The following NTMT1 variants were observed in gnomAD, a reference collection of about 807,000 sequenced individuals.
NTMT1 encodes the protein N-terminal Xaa-Pro-Lys N-methyltransferase 1, also known as N-terminal RCC1 methyltransferase.
NTMT1 carries 8 observed loss-of-function variants against 17.5 expected under a neutral mutation model. The observed-to-expected ratio is 0.46, with a 90% CI of 0.27 to 0.82. The LOEUF (loss-of-function observed/expected upper bound fraction) is 0.82, where lower values mean the gene tolerates loss of function less well. Ranked by LOEUF, NTMT1 falls within the 40% of genes least tolerant of loss-of-function variation. The pLI, the probability that NTMT1 is intolerant of heterozygous loss-of-function variation, is 0.15. For synonymous variants in NTMT1, 128 were observed against 126.8 expected (o/e 1.01, Z -0.06); for missense variants, 221 against 303.5 (o/e 0.73, Z 2.02).
chr9:129,624,208 G>T (rs146331153), upstream of NTMT1, among the ~76,000 whole-genome samples: 7 of 152,322 alleles, frequency 4.6e-5, no homozygotes, highest in African/African-American at 1.7e-4. Flanking sequence ...TGAGGTCAGG[G>T]AGCCGGCCAG....
intron 2 of NTMT1, chr9:129,633,282 AC>A: frequency 2.9e-6 from 1 of 341,898 alleles, no homozygotes; most frequent in Non-Finnish European, 5.2e-6. Flanking sequence ...CCAGGCTGGG[AC>A]CCCCAGTCCT....
rs138485391 is a variant in NTMT1, at chr9:129,613,531, C to G, written c.-55+4353C>G. The G allele has an allele frequency of 2.4e-4, 393 of 1,614,218 alleles. No homozygotes were observed. In the African/African-American group the frequency reaches 4.0e-3, roughly 16 times the overall value. ...CAAACTCTCCAGCCGTTTTCCGACA[C>G]TCCCAAACACCCGCTCGGACGCCAC... On this transcript the variant is annotated intron_variant, in intron 1 of 3. Coordinates refer to the NTMT1 transcript ENST00000372486. This position sits in a 1 kb window ranked among gnomAD's most constrained non-coding sequence, Gnocchi z 6.2.
At position 129,612,408 on chromosome 9, in the gene NTMT1, C is replaced by T. The variant is rs1435842253; in HGVS notation, c.-55+3230C>T. On this transcript the variant is annotated intron_variant, in intron 1 of 3. Transcript: ENST00000372486. ...GAGGAGATGGTACCCCTTAGGGCAG[C>T]CTTGCTTCAGGACCGACTGCAGCAC... 2.5e-6 allele frequency: 4 copies of T among 1,613,898 alleles called. No homozygotes were observed. In the Admixed American group the frequency reaches 6.7e-5, roughly 27 times the overall value.
intron 1 of NTMT1, chr9:129,612,958 G>A (rs1169208025): frequency 1.4e-5 from 13 of 944,594 alleles, no homozygotes; most frequent in African/African-American, 5.0e-5. Context: ...AACACAGGGC[G>A]TGGCCACTGC....
At chr9:129,629,468 G>A (rs949079883) in intron 1 of NTMT1, among the ~76,000 whole-genome samples, 1 of 152,046 alleles carries the variant, frequency 6.6e-6, no homozygotes, top group African/African-American at 2.4e-5. Context: ...ATGGCTCACT[G>A]CAGCCTTGAC....
intron 1 of NTMT1, among the ~76,000 whole-genome samples, chr9:129,630,445 A>G (rs1831102266): frequency 6.6e-6 from 1 of 152,148 alleles, no homozygotes; most frequent in South Asian, 2.1e-4. Flanking sequence ...AAAAGAAGAA[A>G]AAATTCTCCA....
Position 129,614,203 on chromosome 9 carries a change from G to C in NTMT1, c.-55+5025G>C, listed in dbSNP as rs891420082. Among the ~76,000 whole-genome samples the C allele has an allele frequency of 6.6e-6, 1 of 152,160 alleles. No homozygotes were observed. The highest frequency in any genetic ancestry group is 1.9e-4 in the East Asian group (1 of 5,194). On this transcript the variant is annotated intron_variant, in intron 1 of 3. Transcript: ENST00000372486. The surrounding 1 kb of genome is among the most constrained non-coding windows in gnomAD (Gnocchi z 4.4). ...GGCCTTGGATTCCCAAGAGGGGCCC[G>C]GGGTCACTCTGGCTTCTATATGTGG... is the stretch of plus-strand genomic sequence containing the variant.
Position 129,620,461 on chromosome 9 carries a change from G to C in NTMT1, c.-55+11283G>C. 7.5e-7 allele frequency: 1 copy of C among 1,333,802 alleles called. No homozygotes were observed. Among genetic ancestry groups the C allele is most frequent in the Admixed American group, 3.4e-5 (1 of 29,066 alleles). 82.6% of individuals were successfully genotyped at this position (1,333,802 alleles called of 1,614,324 possible). ...GCGCGCCCAGAGCCGCTCGGAGCGC[G>C]GGCGGGGTCAGCTTGGGCAGCCGCG... On this transcript the variant is annotated intron_variant, in intron 1 of 3. Coordinates refer to the NTMT1 transcript ENST00000372486. The surrounding 1 kb of genome is among the most constrained non-coding windows in gnomAD (Gnocchi z 5.8).
At chr9:129,618,886 G>A (rs1394201432) in intron 1 of NTMT1, among the ~76,000 whole-genome samples, 2 of 69,324 alleles carry the variant, frequency 2.9e-5, no homozygotes, top group Non-Finnish European at 6.0e-5. Flanking sequence ...TTTTTTTTTT[G>A]TATATTTTTA....
At chr9:129,610,208 AGGGAGGGGGAGGGGAAAGG>A (rs1830078941) in intron 1 of NTMT1, among the ~76,000 whole-genome samples, 1 of 48,950 alleles carries the variant, frequency 2.0e-5, no homozygotes, top group Non-Finnish European at 3.7e-5. Flanking sequence ...GGGGGGGAGG[AGGGAGGGGGAGGGGAAAGG>A]GGGAGGGAGA....
chr9:129,620,189 C>T lies in NTMT1; in HGVS notation c.-55+11011C>T. 3 of 1,449,398 alleles carry T rather than the reference C, an allele frequency of 2.1e-6. No homozygotes were observed. The highest frequency in any genetic ancestry group is 2.7e-6 in the Non-Finnish European group (3 of 1,097,382). 89.8% of individuals were successfully genotyped at this position (1,449,398 alleles called of 1,614,324 possible). A position where few individuals can be genotyped will look rare whatever the true frequency, so the allele number is the denominator to read the frequency against. Reference sequence around the variant, plus strand: ...GTCGGGGTCCTCCCTGGCCACGCGCCTCCGGGGGCGCTCGCGCTCTCCAGG... The same window carrying T: ...GTCGGGGTCCTCCCTGGCCACGCGCTTCCGGGGGCGCTCGCGCTCTCCAGG... On this transcript the variant is annotated intron_variant, in intron 1 of 3. Transcript: ENST00000372486. The surrounding 1 kb of genome is among the most constrained non-coding windows in gnomAD (Gnocchi z 5.8).
At position 129,635,175 on chromosome 9, in the gene NTMT1, GTGCCCTGGTAACCTTGCCTC is replaced by G. The variant is rs1256984752; in HGVS notation, c.416-26_416-7del. ...TCCAGTGCCGACATCCGCTTGCATG[GTGCCCTGGTAACCTTGCCTC>G]TGCCCTCCCCAGGCCACCTCACCGA... On this transcript the variant is annotated splice_polypyrimidine_tract_variant and intron_variant, in intron 3 of 3. Coordinates refer to ENST00000372483, the MANE Select transcript of NTMT1 (RefSeq NM_014064.4). 1 of 1,590,606 alleles carries G rather than the reference GTGCCCTGGTAACCTTGCCTC, an allele frequency of 6.3e-7. No homozygotes were observed. The highest frequency in any genetic ancestry group is 8.5e-7 in the Non-Finnish European group (1 of 1,172,070).
chr9:129,618,379 A>T lies in NTMT1; in HGVS notation c.-55+9201A>T, dbSNP rs1341098673. ...TAATAAAAGTTAGAGTAAGAAATGGACAAATGATGGTGGGATGGGTAAAAT... is the reference window on the plus strand; with the variant it reads ...TAATAAAAGTTAGAGTAAGAAATGGTCAAATGATGGTGGGATGGGTAAAAT... On this transcript the variant is annotated intron_variant, in intron 1 of 3. Coordinates refer to the NTMT1 transcript ENST00000372486. 3.9e-5 allele frequency among the ~76,000 whole-genome samples: 6 copies of T among 152,318 alleles called. No homozygotes were observed. The East Asian group carries it at 7.7e-4, about 20-fold the overall frequency.
At chr9:129,611,814 G>A (rs942572537) in intron 1 of NTMT1, among the ~76,000 whole-genome samples, 5 of 152,024 alleles carry the variant, frequency 3.3e-5, no homozygotes, top group South Asian at 4.1e-4. Flanking sequence ...GTGCAGTGGC[G>A]GGATCACAGC....
rs1380809429 is a variant in NTMT1 at position 129,632,701 on chromosome 9, A to G, written c.-3A>G. The stretch of plus-strand genomic sequence containing the variant: ...CTTGAGTAGAGCCGTGGTTGGTGAC[A>G]GCATGACGAGCGAGGTGATAGAAGA... On this transcript the variant is annotated 5_prime_UTR_variant, in exon 2 of 4. Transcript: ENST00000372483. 4.3e-6 allele frequency: 7 copies of G among 1,613,928 alleles called. No individual in the cohort carries two copies. Among genetic ancestry groups the G allele is most frequent in the Non-Finnish European group, 5.9e-6 (7 of 1,179,964 alleles).
chr9:129,627,220 A>G (rs1355521558), intron 1 of NTMT1, among the ~76,000 whole-genome samples: 1 of 152,094 alleles, frequency 6.6e-6, no homozygotes, highest in Non-Finnish European at 1.5e-5. Flanking sequence ...GATCACAAGG[A>G]TGGCATCTAA....
chr9:129,623,429 G>A (rs1479399294), upstream of NTMT1, among the ~76,000 whole-genome samples: 1 of 152,186 alleles, frequency 6.6e-6, no homozygotes, highest in African/African-American at 2.4e-5. Context: ...GTGTGATCCT[G>A]GAGAAGTGTC....
intron 1 of NTMT1, among the ~76,000 whole-genome samples, chr9:129,626,692 C>T (rs1029576785): frequency 6.6e-6 from 1 of 152,218 alleles, no homozygotes; most frequent in African/African-American, 2.4e-5. Context: ...AGTTCAGAGC[C>T]TGGCACAGTT....
chr9:129,616,007 T>A (rs149860064), intron 1 of NTMT1, among the ~76,000 whole-genome samples: 1 of 152,310 alleles, frequency 6.6e-6, no homozygotes, highest in East Asian at 1.9e-4. Flanking sequence ...CGTAAAGCAA[T>A]TTAGCAGAGA....
Sources: allele counts gnomAD v4.1 joint callset (sites outside exome capture counted in the v4.1 genomes callset), GRCh38; gene constraint gnomAD v4.1.1; non-coding constraint Gnocchi (gnomAD v3.1); transcripts MANE v1.5; gene names NCBI Gene and HGNC (gene_info 2026-07-23, HGNC 2026-07-21).